Variants in HS3ST5 observed in about 807,000 individuals in gnomAD.
HS3ST5 encodes heparan sulfate-glucosamine 3-sulfotransferase 5.
In HS3ST5, 10 loss-of-function variants were observed where a neutral mutation model predicts 25.4. The observed-to-expected ratio is 0.39, with a 90% CI of 0.24 to 0.67. The LOEUF is 0.67. HS3ST5 is among the 30% of genes least tolerant of loss of function. The pLI, the probability that HS3ST5 is intolerant of heterozygous loss-of-function variation, is 0.44. For synonymous variants in HS3ST5, 170 were observed against 162.4 expected, an observed-to-expected ratio of 1.05 and a Z score of -0.36; for missense variants, 324 against 420.7, an observed-to-expected ratio of 0.77 and a Z score of 2.01.
At chr6:114,227,598 G>A (rs531601279) in intron 2 of HS3ST5, among the ~76,000 whole-genome samples, 36 of 152,026 alleles carry the variant, frequency 2.4e-4, no homozygotes, top group Admixed American at 2.0e-3. Context: ...GTAAACTTCC[G>A]TAAATGTATC....
intron 1 of HS3ST5, among the ~76,000 whole-genome samples, chr6:114,296,238 T>C (rs560002515): frequency 6.6e-6 from 1 of 152,226 alleles, no homozygotes; most frequent in South Asian, 2.1e-4. Flanking sequence ...TATACTTCAA[T>C]CTAATAAGCA....
rs1772744834 is a variant in HS3ST5, at chr6:114,055,790, T to G, written c.*1467A>C. On this transcript the variant is annotated 3_prime_UTR_variant, in exon 5 of 5. Coordinates refer to ENST00000312719, the MANE Select transcript of HS3ST5 (RefSeq NM_153612.4). Reference sequence around the variant, plus strand: ...CTCCCACTGGATTAGCAACTGTGATTGTGAGAAAAAAAAAATCCATCTTTT... The same window carrying G: ...CTCCCACTGGATTAGCAACTGTGATGGTGAGAAAAAAAAAATCCATCTTTT... The G allele has an allele frequency of 6.6e-6, 1 of 152,120 alleles. No individual in the cohort carries two copies. Among genetic ancestry groups the G allele is most frequent in the South Asian group, 2.1e-4 (1 of 4,824 alleles). 9.4% of individuals were successfully genotyped at this position (152,120 alleles called of 1,614,324 possible).
intron 2 of HS3ST5, among the ~76,000 whole-genome samples, chr6:114,215,033 C>T (rs1422179908): frequency 3.3e-5 from 5 of 152,104 alleles, no homozygotes; most frequent in African/African-American, 4.8e-5. Context: ...GGGCCAGGCG[C>T]GGTGGCTCAT....
At chr6:114,254,702 T>C (rs1313170649) in intron 1 of HS3ST5, among the ~76,000 whole-genome samples, 1 of 152,154 alleles carries the variant, frequency 6.6e-6, no homozygotes, top group Non-Finnish European at 1.5e-5. Context: ...ATGTCTTACA[T>C]GGCAATGGGC....
chr6:114,306,888 A>G (rs1451765899), intron 1 of HS3ST5, among the ~76,000 whole-genome samples: 1 of 152,232 alleles, frequency 6.6e-6, no homozygotes, highest in African/African-American at 2.4e-5. Flanking sequence ...TACATATAGG[A>G]CATACGATCA....
At chr6:114,321,601 A>T (rs547709261) in intron 1 of HS3ST5, among the ~76,000 whole-genome samples, 1 of 152,280 alleles carries the variant, frequency 6.6e-6, no homozygotes, top group African/African-American at 2.4e-5. Flanking sequence ...GATCTTTTAA[A>T]ATACATGTAG....
intron 3 of HS3ST5, among the ~76,000 whole-genome samples, chr6:114,081,793 G>C (rs1364289216): frequency 6.6e-6 from 1 of 152,012 alleles, no homozygotes. Flanking sequence ...GATAATATTT[G>C]TTTTAGATTT....
intron 1 of HS3ST5, chr6:114,251,684 A>G (rs1279071698): frequency 6.6e-6 from 1 of 152,258 alleles, no homozygotes; most frequent in East Asian, 1.9e-4. Flanking sequence ...AGCTGCAAGA[A>G]TAAATTTCAA....
chr6:114,302,185 C>A (rs750195078), intron 1 of HS3ST5, among the ~76,000 whole-genome samples: 3 of 152,038 alleles, frequency 2.0e-5, no homozygotes, highest in Non-Finnish European at 4.4e-5. Flanking sequence ...CCCTAGACAC[C>A]CTTAATATAT....
intron 1 of HS3ST5, among the ~76,000 whole-genome samples, chr6:114,248,605 G>A (rs894440767): frequency 6.6e-6 from 1 of 152,252 alleles, no homozygotes; most frequent in Non-Finnish European, 1.5e-5. Context: ...TGGTTCTGCC[G>A]TTCATTCATC....
intron 2 of HS3ST5, among the ~76,000 whole-genome samples, chr6:114,194,997 G>T (rs1780670340): frequency 6.6e-6 from 1 of 152,196 alleles, no homozygotes; most frequent in South Asian, 2.1e-4. Flanking sequence ...TATGAACCTT[G>T]TCATTCTTCA....
intron 1 of HS3ST5, among the ~76,000 whole-genome samples, chr6:114,307,404 T>A (rs1775342965): frequency 1.3e-5 from 2 of 151,884 alleles, no homozygotes; most frequent in African/African-American, 2.4e-5. Context: ...ACACAGGGAT[T>A]TGTGAGAACT....
intron 1 of HS3ST5, among the ~76,000 whole-genome samples, chr6:114,328,729 A>G (rs1158802915): frequency 1.3e-5 from 2 of 152,186 alleles, no homozygotes; most frequent in Non-Finnish European, 2.9e-5. Context: ...TTGCTAATTA[A>G]ATGCAGCTGT....
chr6:114,152,756 AGT>A (rs1301588195), intron 3 of HS3ST5, among the ~76,000 whole-genome samples: 3 of 152,154 alleles, frequency 2.0e-5, no homozygotes, highest in Non-Finnish European at 2.9e-5. Context: ...TGCGATCCCA[AGT>A]GGCCTGCCCC....
rs926470084 is a variant in HS3ST5, at chr6:114,342,807, G to A, written c.-951C>T. Reference sequence around the variant, plus strand: ...AGTGTGACTGGGATCTTCCCTTCCTGCGTCCTCGAGCCTCCGGTGCCAAGC... The same window carrying A: ...AGTGTGACTGGGATCTTCCCTTCCTACGTCCTCGAGCCTCCGGTGCCAAGC... On this transcript the variant is annotated 5_prime_UTR_variant, in exon 1 of 5. Transcript: ENST00000312719. The A allele has an allele frequency of 1.3e-5, 2 of 152,252 alleles. No homozygotes were observed. Among genetic ancestry groups the A allele is most frequent in the Non-Finnish European group, 2.9e-5 (2 of 68,122 alleles). 9.4% of individuals were successfully genotyped at this position (152,252 alleles called of 1,614,324 possible).
chr6:114,264,293 T>C (rs1582770694), intron 1 of HS3ST5, among the ~76,000 whole-genome samples: 1 of 152,218 alleles, frequency 6.6e-6, no homozygotes, highest in African/African-American at 2.4e-5. Context: ...CTGCATAGCA[T>C]GCATTTATGA....
intron 3 of HS3ST5, among the ~76,000 whole-genome samples, chr6:114,138,785 A>G (rs1777761375): frequency 1.3e-5 from 2 of 152,200 alleles, no homozygotes; most frequent in Admixed American, 1.3e-4. Flanking sequence ...CTGCTATAAC[A>G]AAATAATGTG....
In HS3ST5 at chr6:114,224,392, T is replaced by A. The variant is rs190340722; in HGVS notation, c.-145+4193A>T. ...ATATAAATTTTCTTCTAATTCATAATGTTTATAGGCTCACATAATAAATTA... is the reference window on the plus strand; with the variant it reads ...ATATAAATTTTCTTCTAATTCATAAAGTTTATAGGCTCACATAATAAATTA... On this transcript the variant is annotated intron_variant, in intron 2 of 4. Transcript: ENST00000312719. Among the ~76,000 whole-genome samples the A allele has an allele frequency of 2.4e-3, 368 of 151,702 alleles. 2 individuals carry two copies. The highest frequency in any genetic ancestry group is 8.5e-3 in the African/African-American group (353 of 41,526).
intron 3 of HS3ST5, among the ~76,000 whole-genome samples, chr6:114,072,169 A>C (rs1773860635): frequency 6.6e-6 from 1 of 152,198 alleles, no homozygotes; most frequent in South Asian, 2.1e-4. Flanking sequence ...TCTTTGTCTA[A>C]ACTTTCAATC....
Sources: gnomAD v4.1 joint callset for allele counts (sites outside exome capture counted in the v4.1 genomes callset) on GRCh38, gnomAD v4.1.1 for gene constraint, MANE v1.5 for transcripts, NCBI Gene and HGNC (gene_info 2026-07-23, HGNC 2026-07-21) for gene names.